The following UBE2E2 variants were observed in gnomAD, a reference collection of about 807,000 sequenced individuals.
UBE2E2 encodes ubiquitin conjugating enzyme E2 E2.
UBE2E2 carries 6 observed loss-of-function variants against 24.7 expected under a neutral mutation model. The ratio of observed to expected loss-of-function variants is 0.24; its 90% confidence interval spans 0.13 to 0.48. UBE2E2 has a LOEUF of 0.48. UBE2E2 is among the 20% of genes least tolerant of loss of function. UBE2E2 has a pLI of 0.99. For synonymous variants in UBE2E2, 104 were observed against 83.6 expected (o/e 1.24, Z -1.33); for missense variants, 169 against 245.0 (o/e 0.69, Z 2.07).
At chr3:23,392,525 A>G (rs36123653) in intron 3 of UBE2E2, among the ~76,000 whole-genome samples, 15,431 of 152,058 alleles carry the variant, frequency 0.1, 917 homozygotes, top group East Asian at 0.13. Context: ...AGGAAGAAGA[A>G]GAGGGAGGGG....
intron 3 of UBE2E2, among the ~76,000 whole-genome samples, chr3:23,241,571 A>C (rs1310787372): frequency 6.6e-6 from 1 of 150,464 alleles, no homozygotes; most frequent in Admixed American, 6.6e-5. Context: ...GGGTCTCTGC[A>C]CTGGCTATTT....
intron 1 of UBE2E2, among the ~76,000 whole-genome samples, chr3:23,206,031 C>T (rs1696136145): frequency 6.6e-6 from 1 of 152,178 alleles, no homozygotes; most frequent in Non-Finnish European, 1.5e-5. Context: ...TACGCTGAAG[C>T]TGCATCCTCA....
chr3:23,213,678 T>C (rs1236787602), intron 2 of UBE2E2, among the ~76,000 whole-genome samples: 1 of 152,136 alleles, frequency 6.6e-6, no homozygotes, highest in African/African-American at 2.4e-5. Context: ...AAAGTTCTGA[T>C]GAGGGAAGTC....
At chr3:23,290,878 G>A (rs1459579815) in intron 3 of UBE2E2, among the ~76,000 whole-genome samples, 1 of 135,552 alleles carries the variant, frequency 7.4e-6, no homozygotes, top group African/African-American at 2.8e-5. Context: ...AACATAGCAG[G>A]ACTGTGTGTC....
rs976234001 is a variant in UBE2E2, at chr3:23,322,129, A to G, written c.227+104817A>G. 2.6e-5 allele frequency among the ~76,000 whole-genome samples: 4 copies of G among 152,218 alleles called. No homozygotes were observed. In the East Asian group the frequency reaches 7.7e-4, roughly 29 times the overall value. ...CTAATAACCTTTCATTCAATGAGTG[A>G]AATTATTCTTGAAATATTTAGTAAG... On this transcript the variant is annotated intron_variant, in intron 3 of 5. Transcript: ENST00000396703.
intron 3 of UBE2E2, among the ~76,000 whole-genome samples, chr3:23,413,835 A>G (rs569201983): frequency 6.6e-5 from 10 of 152,234 alleles, no homozygotes; most frequent in Non-Finnish European, 1.3e-4. Flanking sequence ...TCCAGTGCAT[A>G]CCTGATGAGT....
chr3:23,224,520 T>C (rs1047444789), intron 3 of UBE2E2, among the ~76,000 whole-genome samples: 2 of 150,508 alleles, frequency 1.3e-5, no homozygotes, highest in African/African-American at 2.4e-5. Flanking sequence ...TCTACAACTT[T>C]GCTGAATTTC....
At chr3:23,514,823 G>A (rs2125468957) in intron 4 of UBE2E2, among the ~76,000 whole-genome samples, 1 of 152,150 alleles carries the variant, frequency 6.6e-6, no homozygotes, top group East Asian at 1.9e-4. Context: ...CTGAATTGGT[G>A]AACTCCGAGA....
chr3:23,562,880 A>T (rs1240325315), intron 5 of UBE2E2, among the ~76,000 whole-genome samples: 1 of 152,116 alleles, frequency 6.6e-6, no homozygotes, highest in Non-Finnish European at 1.5e-5. Flanking sequence ...GTATTCTCCG[A>T]TGGTAGTTTG....
chr3:23,249,366 G>A (rs890181363), intron 3 of UBE2E2, among the ~76,000 whole-genome samples: 1 of 152,068 alleles, frequency 6.6e-6, no homozygotes, highest in African/African-American at 2.4e-5. Context: ...CTGAAGCCAA[G>A]TGAAAGCATT....
chr3:23,257,511 TGCCCC>T (rs1559459107), intron 3 of UBE2E2, among the ~76,000 whole-genome samples: 2 of 17,242 alleles, frequency 1.2e-4, no homozygotes, highest in African/African-American at 2.0e-4. Context: ...CTGTTTCCCG[TGCCCC>T]CCCCCCCCCC....
At chr3:23,235,814 G>T (rs1697088722) in intron 3 of UBE2E2, among the ~76,000 whole-genome samples, 1 of 152,130 alleles carries the variant, frequency 6.6e-6, no homozygotes, top group South Asian at 2.1e-4. Context: ...ATTTCTGGGA[G>T]ATAAGTGGTT....
chr3:23,567,092 C>T (rs889635732), intron 5 of UBE2E2, among the ~76,000 whole-genome samples: 2 of 152,194 alleles, frequency 1.3e-5, no homozygotes, highest in Non-Finnish European at 2.9e-5. Flanking sequence ...TTAGTCATTT[C>T]ATGTACCCAG....
intron 3 of UBE2E2, among the ~76,000 whole-genome samples, chr3:23,424,073 G>C (rs1231037038): frequency 6.6e-6 from 1 of 152,100 alleles, no homozygotes; most frequent in African/African-American, 2.4e-5. Context: ...TCAAGCTTTT[G>C]TTCCCTAATT....
intron 3 of UBE2E2, among the ~76,000 whole-genome samples, chr3:23,463,704 T>C (rs1698861211): frequency 6.6e-6 from 1 of 152,298 alleles, no homozygotes; most frequent in African/African-American, 2.4e-5. Context: ...AAGTGTATTA[T>C]TTCTCCTTAA....
chr3:23,276,090 G>A (rs575421439), intron 3 of UBE2E2, among the ~76,000 whole-genome samples: 205 of 152,076 alleles, frequency 1.3e-3, no homozygotes, highest in African/African-American at 4.7e-3. Context: ...TTTTTATCTG[G>A]CTTGTGATGC....
At chr3:23,569,010 C>G (rs1248501885) in intron 5 of UBE2E2, among the ~76,000 whole-genome samples, 1 of 151,772 alleles carries the variant, frequency 6.6e-6, no homozygotes, top group Non-Finnish European at 1.5e-5. Flanking sequence ...AAACATATGT[C>G]CACATAAAAA....
chr3:23,548,430 C>T (rs926132046), intron 5 of UBE2E2, among the ~76,000 whole-genome samples: 3 of 152,188 alleles, frequency 2.0e-5, no homozygotes, highest in East Asian at 3.9e-4. Flanking sequence ...CAAACCCCAC[C>T]TTCACCTCAG....
In UBE2E2 at chr3:23,280,560, A is replaced by G. The variant is rs1666906492; in HGVS notation, c.227+63248A>G. ...GTTGACAGTGTTGAGGTTGTCCTTTACTTGGGAAGCCTGTTGACCCAACAG... is the reference window on the plus strand; with the variant it reads ...GTTGACAGTGTTGAGGTTGTCCTTTGCTTGGGAAGCCTGTTGACCCAACAG... On this transcript the variant is annotated intron_variant, in intron 3 of 5. Coordinates refer to ENST00000396703, the MANE Select transcript of UBE2E2 (RefSeq NM_152653.4). This position sits in a 1 kb window ranked among gnomAD's most constrained non-coding sequence, Gnocchi z 4.3. Among the ~76,000 whole-genome samples, 1 of 152,070 alleles carries G rather than the reference A, an allele frequency of 6.6e-6. No individual in the cohort carries two copies. Among genetic ancestry groups the G allele is most frequent in the Admixed American group, 6.6e-5 (1 of 15,260 alleles).
Sources: gnomAD v4.1 joint callset for allele counts (sites outside exome capture counted in the v4.1 genomes callset) on GRCh38, gnomAD v4.1.1 for gene constraint, Gnocchi (gnomAD v3.1) non-coding constraint, MANE v1.5 for transcripts, NCBI Gene and HGNC (gene_info 2026-07-23, HGNC 2026-07-21) for gene names.